The following PCDHGA4 variants were observed in gnomAD, a reference collection of about 807,000 sequenced individuals.
PCDHGA4 encodes the protein protocadherin gamma-A4.
Under a neutral mutation model 54.6 loss-of-function variants are expected in PCDHGA4, and 38 were observed. That is an observed-to-expected ratio of 0.70 (90% confidence interval 0.54 to 0.91). The LOEUF (loss-of-function observed/expected upper bound fraction) is 0.91. PCDHGA4 is among the 40% of genes least tolerant of loss of function. The probability of loss-of-function intolerance (pLI) is 0.00; values close to 1 mark genes in which losing one functional copy is unlikely to be tolerated. For synonymous variants in PCDHGA4, 511 were observed against 512.9 expected, an observed-to-expected ratio of 1.00 and a Z score of 0.05; for missense variants, 1,298 against 1,220.9, an observed-to-expected ratio of 1.06 and a Z score of -0.94.
Position 141,395,397 on chromosome 5 carries a change from A to G in PCDHGA4, c.2514+37776A>G. ...GGTGTTACTATAAAATTGAACTCTAATAGTCATAGGTTATTGTTTCATTTG... is the reference window on the plus strand; with the variant it reads ...GGTGTTACTATAAAATTGAACTCTAGTAGTCATAGGTTATTGTTTCATTTG... On this transcript the variant is annotated intron_variant, in intron 1 of 3. Coordinates refer to ENST00000571252, the MANE Select transcript of PCDHGA4 (RefSeq NM_018917.4). The G allele has an allele frequency of 7.8e-6, 7 of 895,314 alleles. No individual in the cohort carries two copies. The South Asian group carries it at 9.5e-5, about 12-fold the overall frequency. 55.5% of individuals were successfully genotyped at this position (895,314 alleles called of 1,614,324 possible). A position where few individuals can be genotyped will look rare whatever the true frequency, so the allele number is the denominator to read the frequency against.
At position 141,476,581 on chromosome 5, in the gene PCDHGA4, G is replaced by A. The variant is rs1393235114; in HGVS notation, c.2515-18226G>A. The A allele has an allele frequency of 5.0e-6, 8 of 1,614,230 alleles. No individual in the cohort carries two copies. The highest frequency in any genetic ancestry group is 6.8e-6 in the Non-Finnish European group (8 of 1,180,042). ...CCGTGGCTCCGGGGACGCGCTTTCC[G>A]CTCGAGAGCGCGCACGATCCCGATG... On this transcript the variant is annotated intron_variant, in intron 1 of 3. Transcript: ENST00000571252. This position sits in a 1 kb window ranked among gnomAD's most constrained non-coding sequence, Gnocchi z 7.6.
intron 1 of PCDHGA4, chr5:141,398,904 C>T: frequency 6.2e-7 from 1 of 1,613,930 alleles, no homozygotes; most frequent in Non-Finnish European, 8.5e-7. Context: ...CACCAGGCAC[C>T]ACTGTGTTGC....
chr5:141,407,497 G>GTTTTTTT (rs1554102286), intron 1 of PCDHGA4, among the ~76,000 whole-genome samples: 1 of 152,088 alleles, frequency 6.6e-6, no homozygotes, highest in African/African-American at 2.4e-5. Context: ...CTTTATTTCT[G>GTTTTTTT]TTTTTCTTAG....
intron 1 of PCDHGA4, chr5:141,388,264 A>G (rs1054125491): frequency 1.3e-6 from 2 of 1,598,302 alleles, no homozygotes; most frequent in African/African-American, 2.9e-5. Context: ...GAGGACATTA[A>G]TGACCACACG....
intron 1 of PCDHGA4, chr5:141,383,667 A>G (rs1167694570): frequency 1.9e-6 from 3 of 1,614,020 alleles, no homozygotes; most frequent in Non-Finnish European, 2.5e-6. Context: ...AGAATGTGCC[A>G]GTGGGTACAA....
At chr5:141,470,038 A>C (rs1256439782) in intron 1 of PCDHGA4, among the ~76,000 whole-genome samples, 1 of 152,204 alleles carries the variant, frequency 6.6e-6, no homozygotes, top group Non-Finnish European at 1.5e-5. Flanking sequence ...CTGAGGCGCG[A>C]GAACTGTTTG....
chr5:141,384,158 T>A (rs1449699621), intron 1 of PCDHGA4: 1 of 1,613,550 alleles, frequency 6.2e-7, no homozygotes, highest in Non-Finnish European at 8.5e-7. Flanking sequence ...TTGTATAACA[T>A]CACACTGAAA....
intron 1 of PCDHGA4, chr5:141,428,289 G>A: frequency 1.4e-6 from 1 of 728,400 alleles, no homozygotes; most frequent in Non-Finnish European, 2.4e-6. Context: ...CCCAAGCAAA[G>A]CTGCAGATTT....
chr5:141,426,754 T>C, intron 1 of PCDHGA4: 1 of 456,314 alleles, frequency 2.2e-6, no homozygotes, highest in Non-Finnish European at 4.4e-6. Context: ...GAATCTGCTA[T>C]AGATGCAGAT....
intron 1 of PCDHGA4, chr5:141,421,424 G>A: frequency 6.2e-7 from 1 of 1,614,092 alleles, no homozygotes. Context: ...CGCGGAGTCC[G>A]CATCGTCTCC....
In PCDHGA4 at chr5:141,355,270, G is replaced by A. The variant is rs1278856954; in HGVS notation, c.163G>A (p.Val55Met). The A allele has an allele frequency of 6.2e-7, 1 of 1,613,670 alleles. No homozygotes were observed. The highest frequency in any genetic ancestry group is 8.5e-7 in the Non-Finnish European group (1 of 1,179,906). The change falls in exon 1 of 4, where the codon GTG becomes ATG. Residue 55 changes from valine (V) to methionine (M), a missense_variant. By Grantham distance (21) the Val-to-Met change is conservative. Transcript: ENST00000571252. ...LQICLLLGVL[V>M]EIRAEQILYS... ...GATCTGCCTTCTCCTGGGGGTTCTG[G>A]TGGAAATCAGGGCCGAACAGATTCT...
At chr5:141,453,865 A>T (rs1048679358) in intron 1 of PCDHGA4, among the ~76,000 whole-genome samples, 2 of 152,234 alleles carry the variant, frequency 1.3e-5, no homozygotes, top group African/African-American at 4.8e-5. Flanking sequence ...AAAATAACAG[A>T]TGAGCAAAAT....
chr5:141,474,551 C>G (rs1032524620), intron 1 of PCDHGA4, among the ~76,000 whole-genome samples: 35 of 152,312 alleles, frequency 2.3e-4, no homozygotes, highest in Non-Finnish European at 3.5e-4. Flanking sequence ...GCATTTAAAA[C>G]TGGGGGTTTT....
chr5:141,433,032 C>G, intron 1 of PCDHGA4: 1 of 1,614,188 alleles, frequency 6.2e-7, no homozygotes, highest in Non-Finnish European at 8.5e-7. Context: ...CACGAGGTTT[C>G]CCTCACCACG....
chr5:141,443,207 C>T (rs907169095), intron 1 of PCDHGA4, among the ~76,000 whole-genome samples: 5 of 152,064 alleles, frequency 3.3e-5, no homozygotes, highest in African/African-American at 1.2e-4. Context: ...AAGAGCTTGT[C>T]TCGCCAGGCG....
chr5:141,377,336 T>A (rs1773892905), intron 1 of PCDHGA4: 1 of 152,194 alleles, frequency 6.6e-6, no homozygotes, highest in South Asian at 2.1e-4. Context: ...GCTAGCATGG[T>A]GGTTCACGCC....
intron 1 of PCDHGA4, among the ~76,000 whole-genome samples, chr5:141,425,915 C>G (rs537499239): frequency 1.3e-5 from 2 of 152,336 alleles, no homozygotes; most frequent in East Asian, 3.9e-4. Context: ...AAAACAGTCA[C>G]TACGAAAACT....
intron 2 of PCDHGA4, among the ~76,000 whole-genome samples, chr5:141,503,239 C>G (rs1364808315): frequency 6.6e-6 from 1 of 152,088 alleles, no homozygotes; most frequent in Non-Finnish European, 1.5e-5. Flanking sequence ...TGGACAGTTT[C>G]TATCATACTC....
At chr5:141,363,773 T>C (rs1763060078) in intron 1 of PCDHGA4, among the ~76,000 whole-genome samples, 1 of 152,230 alleles carries the variant, frequency 6.6e-6, no homozygotes, top group Non-Finnish European at 1.5e-5. Context: ...AAGCACGTTT[T>C]CCTAAATTTA....
Sources: allele counts gnomAD v4.1 joint callset (sites outside exome capture counted in the v4.1 genomes callset), GRCh38; gene constraint gnomAD v4.1.1; non-coding constraint Gnocchi (gnomAD v3.1); transcripts MANE v1.5; gene names NCBI Gene and HGNC (gene_info 2026-07-23, HGNC 2026-07-21).